PTGER3: variants seen among roughly 807,000 people sequenced by gnomAD.
PTGER3 encodes prostaglandin E2 receptor EP3 subtype.
In PTGER3, 22 loss-of-function variants were observed where a neutral mutation model predicts 34.7. The observed-to-expected ratio is 0.63, with a 90% confidence interval of 0.45 to 0.91. The LOEUF is 0.91. Ranked by LOEUF, PTGER3 falls within the 40% of genes least tolerant of loss-of-function variation. The pLI is 0.00. For synonymous variants in PTGER3, 241 were observed against 230.1 expected, an observed-to-expected ratio of 1.05 and a Z score of -0.43; for missense variants, 468 against 519.4, an observed-to-expected ratio of 0.90 and a Z score of 0.96.
chr1:71,017,878 C>T lies in PTGER3; in HGVS notation c.898-5394G>A, dbSNP rs183709460. Among the ~76,000 whole-genome samples the T allele has an allele frequency of 2.1e-3, 318 of 152,294 alleles. 3 individuals carry two copies. The highest frequency in any genetic ancestry group is 7.2e-3 in the African/African-American group (301 of 41,558). ...TTCCTGTGTTCAAGCCATTCTTGTG[C>T]CTCAGACTCCCAAGTAGCTGGGATC... On this transcript the variant is annotated intron_variant, in intron 1 of 3. Coordinates refer to ENST00000306666, the MANE Select transcript of PTGER3 (RefSeq NM_198719.2).
exon 4 of PTGER3, chr1:70,952,979 G>A: frequency 6.3e-7 from 1 of 1,587,990 alleles, no homozygotes; most frequent in Non-Finnish European, 8.6e-7. Context: ...TTTCTTCTCT[G>A]TTCAGCACAC....
At chr1:70,924,124 A>G (rs1647820425) in intron 4 of PTGER3, among the ~76,000 whole-genome samples, 1 of 152,124 alleles carries the variant, frequency 6.6e-6, no homozygotes, top group African/African-American at 2.4e-5. Flanking sequence ...CCCAACTTGT[A>G]GGTATCTGAG....
At chr1:70,936,625 A>G (rs538578987) in intron 4 of PTGER3, among the ~76,000 whole-genome samples, 2 of 152,308 alleles carry the variant, frequency 1.3e-5, no homozygotes, top group South Asian at 2.1e-4. Flanking sequence ...ATGTTCTTCA[A>G]TTGGACAGCA....
intron 3 of PTGER3, 97 bp from the exon 4 acceptor site, chr1:70,971,830 ATTTG>A (rs1325377529): frequency 2.5e-6 from 2 of 811,578 alleles, no homozygotes; most frequent in African/African-American, 1.8e-5. Context: ...TAAGTAATAA[ATTTG>A]TTTGCTTTAA....
At chr1:70,905,535 A>T (rs1342073887) in intron 4 of PTGER3, among the ~76,000 whole-genome samples, 1 of 152,174 alleles carries the variant, frequency 6.6e-6, no homozygotes, top group Non-Finnish European at 1.5e-5. Flanking sequence ...AATGTGAGAC[A>T]TGGAGTCAAA....
intron 4 of PTGER3, among the ~76,000 whole-genome samples, chr1:70,856,780 C>G (rs1189329158): frequency 1.3e-5 from 2 of 152,148 alleles, no homozygotes; most frequent in Non-Finnish European, 2.9e-5. Context: ...ATGGTTACAT[C>G]TTGTATTAAC....
chr1:70,932,422 T>C (rs1648797614), intron 4 of PTGER3, among the ~76,000 whole-genome samples: 1 of 152,184 alleles, frequency 6.6e-6, no homozygotes, highest in Non-Finnish European at 1.5e-5. Flanking sequence ...ACCAATTTAC[T>C]GTATTAGTCC....
chr1:70,931,271 GC>G (rs757911968), intron 4 of PTGER3, among the ~76,000 whole-genome samples: 1 of 152,192 alleles, frequency 6.6e-6, no homozygotes. Flanking sequence ...GCAGGGTACA[GC>G]CCCCCTTCTG....
chr1:70,883,204 G>A (rs1400322846), intron 4 of PTGER3, among the ~76,000 whole-genome samples: 1 of 151,962 alleles, frequency 6.6e-6, no homozygotes, highest in Non-Finnish European at 1.5e-5. Flanking sequence ...TGTTCCTGAG[G>A]GCAGTTTTTA....
At position 70,970,871 on chromosome 1, in the gene PTGER3, C is replaced by T. The variant is rs761737727; in HGVS notation, c.*859G>A. ...AAACGTAATAAAGTTTGTTATTCAA[C>T]AACTGTTATTTATTAATTTTGCCTT... On this transcript the variant is annotated 3_prime_UTR_variant, in exon 4 of 4. Coordinates refer to ENST00000306666, the MANE Select transcript of PTGER3 (RefSeq NM_198719.2). 2.1e-6 allele frequency: 2 copies of T among 961,822 alleles called. No individual in the cohort carries two copies. The highest frequency in any genetic ancestry group is 2.5e-6 in the Non-Finnish European group (2 of 808,632). The allele number at this position is 961,822 out of a possible 1,614,324, so 59.6% of individuals were successfully genotyped here. A position where few individuals can be genotyped will look rare whatever the true frequency, so the allele number is the denominator to read the frequency against.
At chr1:70,934,303 C>CT (rs1261835721) in intron 4 of PTGER3, among the ~76,000 whole-genome samples, 4 of 152,010 alleles carry the variant, frequency 2.6e-5, no homozygotes, top group Non-Finnish European at 5.9e-5. Context: ...CATATTGTTC[C>CT]TTTTTTTTCT....
At chr1:70,975,020 G>T (rs146859330) in intron 2 of PTGER3, among the ~76,000 whole-genome samples, 29 of 152,264 alleles carry the variant, frequency 1.9e-4, no homozygotes, top group African/African-American at 6.5e-4. Flanking sequence ...CTTTCTTGGA[G>T]AACATCCTGT....
intron 4 of PTGER3, among the ~76,000 whole-genome samples, chr1:70,870,849 A>G (rs1646147708): frequency 6.6e-6 from 1 of 152,158 alleles, no homozygotes; most frequent in Non-Finnish European, 1.5e-5. Flanking sequence ...TATTGTCCAT[A>G]TCACTATCGG....
intron 4 of PTGER3, among the ~76,000 whole-genome samples, chr1:70,864,763 C>T (rs2100502716): frequency 6.6e-6 from 1 of 152,264 alleles, no homozygotes; most frequent in Non-Finnish European, 1.5e-5. Context: ...TTTTATGAGG[C>T]AGATACTATT....
At chr1:70,967,446 T>A (rs1221324973), downstream of PTGER3, among the ~76,000 whole-genome samples, 3 of 152,168 alleles carry the variant, frequency 2.0e-5, no homozygotes, top group Non-Finnish European at 4.4e-5. Flanking sequence ...TTTAAAAATA[T>A]ATCTTGTACA....
intron 4 of PTGER3, among the ~76,000 whole-genome samples, chr1:70,889,995 A>G (rs1200045091): frequency 6.6e-6 from 1 of 152,156 alleles, no homozygotes; most frequent in Non-Finnish European, 1.5e-5. Flanking sequence ...ACTGAAGTAC[A>G]TTAAACATGC....
intron 2 of PTGER3, among the ~76,000 whole-genome samples, chr1:70,991,877 T>C (rs1369026675): frequency 6.6e-6 from 1 of 152,158 alleles, no homozygotes; most frequent in African/African-American, 2.4e-5. Flanking sequence ...GTGTCCTTGC[T>C]CAAAGAAATG....
intron 3 of PTGER3, 55 bp downstream of exon 3, chr1:70,974,241 GA>G: frequency 6.2e-7 from 1 of 1,600,842 alleles, no homozygotes; most frequent in Non-Finnish European, 8.5e-7. Context: ...ACTCCGATTA[GA>G]ACAGAGAGAC....
At chr1:70,926,657 T>A (rs1020656545) in intron 4 of PTGER3, among the ~76,000 whole-genome samples, 2 of 152,018 alleles carry the variant, frequency 1.3e-5, no homozygotes, top group Non-Finnish European at 2.9e-5. Flanking sequence ...CTTTTCCTAA[T>A]TGAATACGCT....
Sources: gnomAD v4.1 joint callset for allele counts (sites outside exome capture counted in the v4.1 genomes callset) on GRCh38, gnomAD v4.1.1 for gene constraint, MANE v1.5 for transcripts, NCBI Gene and HGNC (gene_info 2026-07-23, HGNC 2026-07-21) for gene names.